Variants in DMRT1 observed in about 807,000 individuals in gnomAD.
DMRT1 encodes doublesex- and mab-3-related transcription factor 1.
Under a neutral mutation model 32.3 loss-of-function variants are expected in DMRT1, and 7 were observed. The observed-to-expected ratio is 0.22, with a 90% CI of 0.12 to 0.41. The LOEUF (loss-of-function observed/expected upper bound fraction) is 0.41, where lower values mean the gene tolerates loss of function less well. Among genes scored for constraint, DMRT1 ranks in the 10% least tolerant of loss-of-function variants. The pLI is 1.00. For missense variants in DMRT1, 625 were observed against 500.5 expected, an observed-to-expected ratio of 1.25 and a Z score of -2.37; for synonymous variants, 278 against 206.1, an observed-to-expected ratio of 1.35 and a Z score of -2.99.
In DMRT1 at chr9:968,267, T is replaced by G; in HGVS notation, c.*128T>G. On this transcript the variant is annotated 3_prime_UTR_variant, in exon 5 of 5. Transcript: ENST00000382276. ...TGAGAACGTATTTGGTTTATATTCC[T>G]TAGAGTTTAGTCCAGAGGCTGTAAC... The G allele has an allele frequency of 8.7e-7, 1 of 1,155,436 alleles. No homozygotes were observed. Among genetic ancestry groups the G allele is most frequent in the Non-Finnish European group, 1.2e-6 (1 of 805,652 alleles). 71.6% of individuals were successfully genotyped at this position (1,155,436 alleles called of 1,614,324 possible).
intron 4 of DMRT1, among the ~76,000 whole-genome samples, chr9:920,611 A>T (rs1305992714): frequency 1.3e-5 from 2 of 152,196 alleles, no homozygotes; most frequent in Admixed American, 1.3e-4. Flanking sequence ...GTTTTGCTGT[A>T]AGAGGAATAG....
intron 4 of DMRT1, among the ~76,000 whole-genome samples, chr9:954,790 T>A (rs145111127): frequency 2.6e-5 from 4 of 151,700 alleles, no homozygotes; most frequent in Admixed American, 2.0e-4. Flanking sequence ...TACAGGTGCG[T>A]GCCACCACGC....
At chr9:927,328 G>GC (rs530460164) in intron 4 of DMRT1, among the ~76,000 whole-genome samples, 159 of 152,358 alleles carry the variant, frequency 1.0e-3, no homozygotes, top group African/African-American at 3.7e-3. Flanking sequence ...TCATCCAGGT[G>GC]CCGTGCCTGG....
intron 4 of DMRT1, among the ~76,000 whole-genome samples, chr9:929,601 T>G (rs1818642112): frequency 6.6e-6 from 1 of 152,036 alleles, no homozygotes; most frequent in African/African-American, 2.4e-5. Context: ...CTTTCTTTCT[T>G]TCTATTATAC....
intron 4 of DMRT1, among the ~76,000 whole-genome samples, chr9:956,808 A>G (rs1030105988): frequency 1.3e-5 from 2 of 152,216 alleles, no homozygotes; most frequent in African/African-American, 4.8e-5. Flanking sequence ...CTCTTGACCC[A>G]GTACCAACAG....
At chr9:922,978 C>G (rs1243501447) in intron 4 of DMRT1, among the ~76,000 whole-genome samples, 1 of 152,138 alleles carries the variant, frequency 6.6e-6, no homozygotes, top group Non-Finnish European at 1.5e-5. Context: ...TTGCAGAGGC[C>G]TCTGTGCTCC....
At position 941,336 on chromosome 9, in the gene DMRT1, C is replaced by CT. The variant is rs554509544; in HGVS notation, c.967+24429_967+24430insT. On this transcript the variant is annotated intron_variant, in intron 4 of 4. Coordinates refer to ENST00000382276, the MANE Select transcript of DMRT1 (RefSeq NM_021951.3). ...GTGCGCACACACACCCCCTCCCCCC[C>CT]CCCACACATATGCAATGGAATATTA... Among the ~76,000 whole-genome samples the CT allele has an allele frequency of 8.2e-3, 967 of 118,218 alleles. 19 individuals carry two copies. Among genetic ancestry groups the CT allele is most frequent in the African/African-American group, 0.041 (880 of 21,712 alleles). The allele number at this position is 118,218 out of a possible 152,430, so 77.6% of individuals were successfully genotyped here.
chr9:890,800 G>A (rs975915990), intron 2 of DMRT1, among the ~76,000 whole-genome samples: 5 of 151,948 alleles, frequency 3.3e-5, no homozygotes, highest in African/African-American at 1.2e-4. Flanking sequence ...CTGCAACCTC[G>A]GCCTCCCAGG....
At chr9:966,829 T>C (rs902115705) in intron 4 of DMRT1, among the ~76,000 whole-genome samples, 1 of 152,238 alleles carries the variant, frequency 6.6e-6, no homozygotes, top group African/African-American at 2.4e-5. Context: ...CAGGACCCAG[T>C]GCAGCTTCTA....
At chr9:927,974 G>A (rs1250840059) in intron 4 of DMRT1, among the ~76,000 whole-genome samples, 1 of 152,210 alleles carries the variant, frequency 6.6e-6, no homozygotes, top group Non-Finnish European at 1.5e-5. Flanking sequence ...CCATTGTGGA[G>A]CATCTTGCCT....
intron 2 of DMRT1, among the ~76,000 whole-genome samples, chr9:870,709 C>CTCTTTTTTTTTTTTTTTTTTTTTTTTTTT (rs1816206857): frequency 1.4e-5 from 1 of 69,560 alleles, no homozygotes; most frequent in African/African-American, 6.6e-5. Context: ...ATTTTCTTGA[C>CTCTTTTTTTTTTTTTTTTTTTTTTTTTTT]TTTTTTTTTT....
intron 4 of DMRT1, among the ~76,000 whole-genome samples, chr9:935,090 CTG>C (rs1360193290): frequency 1.3e-5 from 2 of 152,200 alleles, no homozygotes; most frequent in African/African-American, 2.4e-5. Flanking sequence ...CATTTAAAGA[CTG>C]TGGGTGATTT....
chr9:900,564 C>T (rs932832858), intron 3 of DMRT1, among the ~76,000 whole-genome samples: 35 of 151,260 alleles, frequency 2.3e-4, no homozygotes, highest in African/African-American at 5.1e-4. Context: ...GAAGACAAGG[C>T]GGAAACCTGG....
chr9:889,793 G>C (rs113978623), intron 2 of DMRT1, among the ~76,000 whole-genome samples: 1,837 of 152,256 alleles, frequency 0.012, 34 homozygotes, highest in African/African-American at 0.042. Context: ...TAAGAAGCTT[G>C]CTTTTGAAAG....
In DMRT1 at chr9:920,322, G is replaced by C. The variant is rs558333505; in HGVS notation, c.967+3415G>C. Among the ~76,000 whole-genome samples the C allele has an allele frequency of 3.3e-5, 5 of 152,290 alleles. No homozygotes were observed. In the East Asian group the frequency reaches 9.6e-4, roughly 29 times the overall value. On this transcript the variant is annotated intron_variant, in intron 4 of 4. Transcript: ENST00000382276. ...CCCTGTAGATGAGGAGGACTAGCAA[G>C]GAAAAGAGGGAGGAGGAGCAGCCTG...
At chr9:961,572 C>A (rs1819774309) in intron 4 of DMRT1, among the ~76,000 whole-genome samples, 1 of 152,170 alleles carries the variant, frequency 6.6e-6, no homozygotes, top group African/African-American at 2.4e-5. Flanking sequence ...CACCTCCCTC[C>A]TCAAAAAGAT....
chr9:946,678 T>C (rs1185597342), intron 4 of DMRT1, among the ~76,000 whole-genome samples: 2 of 152,218 alleles, frequency 1.3e-5, no homozygotes, highest in African/African-American at 2.4e-5. Context: ...TTCTCATTAC[T>C]AGGCGATCTC....
intron 2 of DMRT1, among the ~76,000 whole-genome samples, chr9:853,346 T>C (rs1355069201): frequency 6.6e-6 from 1 of 152,238 alleles, no homozygotes; most frequent in African/African-American, 2.4e-5. Flanking sequence ...GTGTCCATTA[T>C]AGTATTCACA....
At chr9:861,049 TC>T (rs1269641945) in intron 2 of DMRT1, among the ~76,000 whole-genome samples, 1 of 124,912 alleles carries the variant, frequency 8.0e-6, no homozygotes, top group Non-Finnish European at 1.6e-5. Context: ...TAATTTACTT[TC>T]TTTTTTTTTT....
Sources: gnomAD v4.1 joint callset for allele counts (sites outside exome capture counted in the v4.1 genomes callset) on GRCh38, gnomAD v4.1.1 for gene constraint, MANE v1.5 for transcripts, NCBI Gene and HGNC (gene_info 2026-07-23, HGNC 2026-07-21) for gene names.